The following SNX29 variants were observed in gnomAD, a reference collection of about 807,000 sequenced individuals.
The protein encoded by SNX29 is sorting nexin-29.
Under a neutral mutation model 102.1 loss-of-function variants are expected in SNX29, and 78 were observed. That is an observed-to-expected ratio of 0.76 (90% CI 0.64 to 0.92). The LOEUF (loss-of-function observed/expected upper bound fraction) is 0.92, where lower values mean the gene tolerates loss of function less well. Among genes scored for constraint, SNX29 ranks in the 40% least tolerant of loss-of-function variants. The probability of loss-of-function intolerance (pLI) is 0.00; values close to 1 mark genes in which losing one functional copy is unlikely to be tolerated. For missense variants in SNX29, 1,280 were observed against 1,061.7 expected (o/e 1.21, Z -2.86); for synonymous variants, 580 against 414.5 (o/e 1.40, Z -4.85).
chr16:12,487,262 G>C (rs532811769), intron 19 of SNX29, among the ~76,000 whole-genome samples: 17 of 152,278 alleles, frequency 1.1e-4, no homozygotes, highest in African/African-American at 3.6e-4. Context: ...CATCCCCAGC[G>C]ATGCCAGGAC....
intron 20 of SNX29, among the ~76,000 whole-genome samples, chr16:12,544,789 A>G (rs1375482050): frequency 6.6e-6 from 1 of 152,212 alleles, no homozygotes; most frequent in African/African-American, 2.4e-5. Context: ...CTGCAGAGCC[A>G]GGATTCTAGA....
chr16:12,529,624 C>T (rs1000656923), intron 20 of SNX29, among the ~76,000 whole-genome samples: 1 of 152,174 alleles, frequency 6.6e-6, no homozygotes, highest in Non-Finnish European at 1.5e-5. Context: ...GGTCACAGCA[C>T]AAATTCCCAA....
intron 13 of SNX29, among the ~76,000 whole-genome samples, chr16:12,167,665 T>C (rs1438139501): frequency 6.6e-6 from 1 of 152,054 alleles, no homozygotes; most frequent in Non-Finnish European, 1.5e-5. Flanking sequence ...CCCAATGAGG[T>C]AGGTAGAAGT....
At chr16:12,178,740 G>A (rs905809679) in intron 13 of SNX29, among the ~76,000 whole-genome samples, 23 of 152,198 alleles carry the variant, frequency 1.5e-4, no homozygotes, top group Non-Finnish European at 1.5e-5. Context: ...ATCAGACAGT[G>A]TGTGTAGTTT....
At chr16:12,363,492 G>C (rs1215191764) in intron 16 of SNX29, among the ~76,000 whole-genome samples, 2 of 152,130 alleles carry the variant, frequency 1.3e-5, no homozygotes, top group East Asian at 3.9e-4. Context: ...TATCTGCTGG[G>C]AATAAACATA....
chr16:12,376,580 A>G (rs1052932054), intron 16 of SNX29, among the ~76,000 whole-genome samples: 1 of 151,872 alleles, frequency 6.6e-6, no homozygotes, highest in African/African-American at 2.4e-5. Flanking sequence ...TACTAAAAAT[A>G]CAAAAATTAG....
Position 12,494,287 on chromosome 16 carries a change from C to T in SNX29, c.2178+16428C>T, listed in dbSNP as rs540044180. ...CGTCCTCCCTGTGCCTCCTGCGTGCCTGGCCCCCGTTCCCTTTGCAGCCCC... is the reference window on the plus strand; with the variant it reads ...CGTCCTCCCTGTGCCTCCTGCGTGCTTGGCCCCCGTTCCCTTTGCAGCCCC... On this transcript the variant is annotated intron_variant, in intron 19 of 20. Coordinates refer to ENST00000566228, the MANE Select transcript of SNX29 (RefSeq NM_032167.5). Among the ~76,000 whole-genome samples, 4 of 152,272 alleles carry T rather than the reference C, an allele frequency of 2.6e-5. No individual in the cohort carries two copies. The East Asian group carries it at 5.8e-4, about 22-fold the overall frequency.
intron 14 of SNX29, among the ~76,000 whole-genome samples, chr16:12,240,775 T>C (rs932971646): frequency 1.3e-5 from 2 of 151,826 alleles, no homozygotes; most frequent in Non-Finnish European, 2.9e-5. Context: ...TGGACTAATA[T>C]TTGTATTTCT....
intron 20 of SNX29, among the ~76,000 whole-genome samples, chr16:12,541,697 G>A (rs1007324): frequency 0.17 from 25,404 of 151,972 alleles, 2,219 homozygotes; most frequent in South Asian, 0.19. Flanking sequence ...ACCCTGGGGC[G>A]GGAGTGGGTT....
At chr16:12,009,835 C>G (rs1180219684) in intron 3 of SNX29, among the ~76,000 whole-genome samples, 1 of 152,310 alleles carries the variant, frequency 6.6e-6, no homozygotes, top group African/African-American at 2.4e-5. Context: ...GGCCCAGGAG[C>G]TTTGTAGGCC....
At chr16:12,402,190 C>T (rs1438751963) in intron 17 of SNX29, among the ~76,000 whole-genome samples, 1 of 152,178 alleles carries the variant, frequency 6.6e-6, no homozygotes, top group Non-Finnish European at 1.5e-5. Context: ...GTTTAATTTA[C>T]CCCTCAAAGG....
intron 14 of SNX29, among the ~76,000 whole-genome samples, chr16:12,277,412 C>G (rs557823501): frequency 7.9e-5 from 12 of 152,028 alleles, no homozygotes; most frequent in East Asian, 7.8e-4. Flanking sequence ...CTCAAAAAAA[C>G]AAACAAAACC....
At chr16:12,030,683 C>A (rs546543252) in intron 4 of SNX29, among the ~76,000 whole-genome samples, 3 of 152,330 alleles carry the variant, frequency 2.0e-5, no homozygotes, top group African/African-American at 4.8e-5. Flanking sequence ...CCCACTCCCC[C>A]ACTTATTCCC....
intron 18 of SNX29, among the ~76,000 whole-genome samples, chr16:12,440,923 A>G (rs540715892): frequency 6.6e-5 from 10 of 152,282 alleles, no homozygotes; most frequent in African/African-American, 2.4e-4. Flanking sequence ...TGTCTTTATA[A>G]TAGAATGATT....
intron 2 of SNX29, among the ~76,000 whole-genome samples, chr16:11,999,898 G>C (rs3916255): frequency 0.47 from 70,568 of 150,382 alleles, 17,109 homozygotes; most frequent in Non-Finnish European, 0.51. Flanking sequence ...GAGACTTTGT[G>C]TCATTAAAAA....
chr16:12,116,159 C>T (rs1567219920), intron 11 of SNX29, among the ~76,000 whole-genome samples: 1 of 152,122 alleles, frequency 6.6e-6, no homozygotes, highest in Non-Finnish European at 1.5e-5. Flanking sequence ...ATCCTTAAAA[C>T]GTTAGTGGAA....
intron 8 of SNX29, among the ~76,000 whole-genome samples, chr16:12,055,206 A>G (rs954420485): frequency 4.9e-5 from 7 of 142,548 alleles, no homozygotes; most frequent in African/African-American, 1.8e-4. Context: ...CTCCATTTCT[A>G]TCTCTGTTTC....
rs76481216 is a variant in SNX29 at position 12,557,203 on chromosome 16, A to C, written c.2319-11303A>C. Reference sequence around the variant, plus strand: ...AGATATACTGACTCCAGGGCTCCAGAGGGAAAGGCTGACATACGAATTTGG... The same window carrying C: ...AGATATACTGACTCCAGGGCTCCAGCGGGAAAGGCTGACATACGAATTTGG... On this transcript the variant is annotated intron_variant, in intron 20 of 20. Coordinates refer to ENST00000566228, the MANE Select transcript of SNX29 (RefSeq NM_032167.5). 1,376 of 152,316 alleles carry C rather than the reference A, an allele frequency of 9.0e-3. 23 individuals are homozygous for C. The highest frequency in any genetic ancestry group is 0.031 in the African/African-American group (1,304 of 41,536). The allele number at this position is 152,316 out of a possible 1,614,324, so 9.4% of individuals were successfully genotyped here. A position where few individuals can be genotyped will look rare whatever the true frequency, so the allele number is the denominator to read the frequency against.
intron 16 of SNX29, among the ~76,000 whole-genome samples, chr16:12,379,533 T>C (rs1474980881): frequency 1.3e-5 from 2 of 152,238 alleles, no homozygotes; most frequent in Non-Finnish European, 2.9e-5. Flanking sequence ...ACTGTGCCCT[T>C]TAGCCACTTT....
Sources: gnomAD v4.1 joint callset for allele counts (sites outside exome capture counted in the v4.1 genomes callset) on GRCh38, gnomAD v4.1.1 for gene constraint, MANE v1.5 for transcripts, NCBI Gene and HGNC (gene_info 2026-07-23, HGNC 2026-07-21) for gene names.